Variants in SACS observed in about 807,000 individuals in gnomAD.
The protein encoded by SACS is sacsin molecular chaperone, also known as sacsin.
Under a neutral mutation model 348.0 loss-of-function variants are expected in SACS, and 197 were observed. The ratio of observed to expected loss-of-function variants is 0.57; its 90% CI spans 0.50 to 0.64. The LOEUF (loss-of-function observed/expected upper bound fraction) is 0.64, where lower values mean the gene tolerates loss of function less well. Ranked by LOEUF, SACS falls within the 30% of genes least tolerant of loss-of-function variation. The pLI is 0.00. For missense variants in SACS, 4,999 were observed against 5,360.8 expected, an observed-to-expected ratio of 0.93 and a Z score of 2.11; for synonymous variants, 1,985 against 1,910.6, an observed-to-expected ratio of 1.04 and a Z score of -1.02.
Position 23,338,776 on chromosome 13 carries a change from A to C in SACS, c.5100T>G (p.Ile1700Met). The change falls in exon 10 of 10, where the codon ATT (isoleucine) becomes ATG (methionine). Residue 1700 changes from isoleucine to methionine, a missense_variant. This residue lies in a region of SACS where 3,156 missense variants were observed against 3,380.1 expected (regional missense o/e 0.93). Coordinates refer to ENST00000382292, the MANE Select transcript of SACS (RefSeq NM_014363.6). ...VKSMYLKYLK[I>M]EETNPSLAQD... ...GTGCTAAACTGGGGTTGGTTTCCTC[A>C]ATTTTCAAGTACTTCAAATACATTG... 1 of 1,611,060 alleles carries C rather than the reference A, an allele frequency of 6.2e-7. No individual in the cohort carries two copies. The highest frequency in any genetic ancestry group is 8.5e-7 in the Non-Finnish European group (1 of 1,179,224).
In SACS at chr13:23,339,091, T is replaced by G. The variant is rs761655407; in HGVS notation, c.4785A>C (p.Lys1595Asn). 3 of 1,611,850 alleles carry G rather than the reference T, an allele frequency of 1.9e-6. No individual in the cohort carries two copies. In the African/African-American group the frequency reaches 4.0e-5, roughly 22 times the overall value. Residue 1595 changes from lysine (K) to asparagine (N), a missense_variant, in exon 10 of 10, where the codon AAA becomes AAC. Transcript: ENST00000382292. ...AATTAATTTTGATCCCAGGATTGGA[T>G]TTGTCTTTAATGTGTTTACTGATAT... is the stretch of plus-strand genomic sequence containing the variant. ...INHISKHIKDKSNPGIKINWS... is the reference protein window; with the variant it reads ...INHISKHIKDNSNPGIKINWS...
Position 23,329,645 on chromosome 13 carries a change from CATG to C in SACS, c.*488_*490del. On this transcript the variant is annotated 3_prime_UTR_variant, in exon 10 of 10. Coordinates refer to ENST00000382292, the MANE Select transcript of SACS (RefSeq NM_014363.6). The stretch of plus-strand genomic sequence containing the variant: ...GTACAACATAAAATTACAACAAATT[CATG>C]ATCAGAGCCAGCTGATGAGAAAATA... 1 of 535,666 alleles carries C rather than the reference CATG, an allele frequency of 1.9e-6. No homozygotes were observed. Among genetic ancestry groups the C allele is most frequent in the Non-Finnish European group, 3.2e-6 (1 of 308,322 alleles). 33.2% of individuals were successfully genotyped at this position (535,666 alleles called of 1,614,324 possible).
Position 23,334,095 on chromosome 13 carries a change from G to C in SACS, c.9781C>G (p.Gln3261Glu), listed in dbSNP as rs868799299. Residue 3261 changes from glutamine (Q) to glutamate (E), a missense_variant, in exon 10 of 10, where the codon CAG becomes GAG. Coordinates refer to ENST00000382292, the MANE Select transcript of SACS (RefSeq NM_014363.6). ...ISESVSVKEDQEETKPTFDIV... is the reference protein window; with the variant it reads ...ISESVSVKEDEEETKPTFDIV... ...TCAAATGTTGGTTTTGTTTCTTCCT[G>C]ATCTTCTTTCACACTTACAGATTCA... The C allele has an allele frequency of 6.2e-7, 1 of 1,613,650 alleles. No homozygotes were observed. Among genetic ancestry groups the C allele is most frequent in the East Asian group, 2.2e-5 (1 of 44,870 alleles).
intron 1 of SACS, among the ~76,000 whole-genome samples, chr13:23,418,541 C>T (rs980064337): frequency 2.0e-5 from 3 of 152,034 alleles, no homozygotes; most frequent in Admixed American, 2.0e-4. Flanking sequence ...GAGTCTTGCT[C>T]TGTCTCTCCA....
chr13:23,378,820 A>G (rs1871922776), intron 2 of SACS, among the ~76,000 whole-genome samples: 1 of 152,218 alleles, frequency 6.6e-6, no homozygotes, highest in African/African-American at 2.4e-5. Flanking sequence ...ATGCATGCTA[A>G]TAATTAGTGT....
In SACS at chr13:23,333,367, T is replaced by A; in HGVS notation, c.10509A>T (p.Arg3503Ser). ...CTGATAATTCCTCAGCACTTGATAA[T>A]CTATTCTTAAGGTAGATCAAGTGCT... Reference protein sequence around the residue: ...KLEHLIYLKNRLSSAEELSEI... With the variant: ...KLEHLIYLKNSLSSAEELSEI... Residue 3503 changes from arginine (R) to serine (S), a missense_variant, in exon 10 of 10, where the codon AGA (arginine) becomes AGT (serine). Physicochemically the swap from Arg to Ser is moderately radical, Grantham distance 110. Transcript: ENST00000382292. 1 of 1,597,704 alleles carries A rather than the reference T, an allele frequency of 6.3e-7. No individual in the cohort carries two copies. The highest frequency in any genetic ancestry group is 8.5e-7 in the Non-Finnish European group (1 of 1,174,532).
In SACS at chr13:23,336,332, A is replaced by G. The variant is rs1425351512; in HGVS notation, c.7544T>C (p.Phe2515Ser). 1 of 1,614,086 alleles carries G rather than the reference A, an allele frequency of 6.2e-7. No homozygotes were observed. The highest frequency in any genetic ancestry group is 8.5e-7 in the Non-Finnish European group (1 of 1,179,950). The change falls in exon 10 of 10, where the codon TTT (phenylalanine) becomes TCT (serine). Residue 2515 changes from phenylalanine (F) to serine (S), a missense_variant. Around this residue, in one of 6 missense-constraint regions of SACS, gnomAD observed 3,156 missense variants for 3,380.1 expected, o/e 0.93. Coordinates refer to ENST00000382292, the MANE Select transcript of SACS (RefSeq NM_014363.6). ...CCCAAATTCTGTGCCAAGTGTTGTA[A>G]AACAGACATTGGATGCATATCTTTC... ...ALERYASNVC[F>S]TTLGTEFGQK... is the part of the protein sequence containing the mutation.
rs972479339 is a variant in SACS at position 23,365,301 on chromosome 13, A to C, written c.346-24T>G. ...TCCTAACCAAAAAATATACCAAAAA[A>C]TAGTAATTAATAACACAGTAATCTA... is the stretch of plus-strand genomic sequence containing the variant. On this transcript the variant is annotated intron_variant, in intron 5 of 9. Coordinates refer to ENST00000382292, the MANE Select transcript of SACS (RefSeq NM_014363.6). 3.9e-6 allele frequency: 5 copies of C among 1,269,908 alleles called. No individual in the cohort carries two copies. The African/African-American group carries it at 7.4e-5, about 19-fold the overall frequency. The allele number at this position is 1,269,908 out of a possible 1,614,324, so 78.7% of individuals were successfully genotyped here.
At position 23,333,225 on chromosome 13, in the gene SACS, T is replaced by C. The variant is rs770752326; in HGVS notation, c.10651A>G (p.Met3551Val). 1.9e-5 allele frequency: 31 copies of C among 1,598,074 alleles called. No homozygotes were observed. The highest frequency in any genetic ancestry group is 2.4e-5 in the Non-Finnish European group (28 of 1,173,536). The change falls in exon 10 of 10, where the codon ATG (methionine) becomes GTG (valine). Residue 3551 changes from methionine to valine, a missense_variant. By Grantham distance (21) the Met-to-Val change is conservative (BLOSUM62 1). Around this residue, in one of 6 missense-constraint regions of SACS, gnomAD observed 831 missense variants for 941.8 expected, o/e 0.88. Transcript: ENST00000382292. ...GGAATAAACAATTTTTCAGGAAGCA[T>C]AACTTCAAAAACTCTCACAGTTCTA... ...YDRTVRVFEV[M>V]LPEKLFIPND...
At chr13:23,400,534 C>T (rs560531297) in intron 2 of SACS, among the ~76,000 whole-genome samples, 19 of 152,326 alleles carry the variant, frequency 1.2e-4, no homozygotes, top group African/African-American at 4.3e-4. Flanking sequence ...CATTCTCCTG[C>T]CTCAGCCTCC....
chr13:23,426,170 TC>T (rs1874165613), intron 1 of SACS, among the ~76,000 whole-genome samples: 1 of 152,174 alleles, frequency 6.6e-6, no homozygotes, highest in African/African-American at 2.4e-5. Flanking sequence ...GTATAGGACT[TC>T]AGTGAGCCCA....
chr13:23,396,993 T>C (rs996846765), intron 2 of SACS, among the ~76,000 whole-genome samples: 2 of 142,406 alleles, frequency 1.4e-5, no homozygotes, highest in Non-Finnish European at 3.1e-5. Flanking sequence ...AGGGGGCCTA[T>C]GTATTTAGGC....
rs371935764 is a variant in SACS at position 23,331,022 on chromosome 13, C to T, written c.12854G>A (p.Ser4285Asn). The T allele has an allele frequency of 5.9e-5, 95 of 1,613,952 alleles. No individual in the cohort carries two copies. Among genetic ancestry groups the T allele is most frequent in the Non-Finnish European group, 7.8e-5 (92 of 1,179,976 alleles). ...SIPPLFSGRESHKTSSKHQSP... is the reference protein window; with the variant it reads ...SIPPLFSGRENHKTSSKHQSP... ...CTGATGTTTGGAAGAAGTCTTGTGGCTCTCTCTACCAGAGAAAAGAGGAGG... is the reference window on the plus strand; with the variant it reads ...CTGATGTTTGGAAGAAGTCTTGTGGTTCTCTCTACCAGAGAAAAGAGGAGG... Residue 4285 changes from serine to asparagine, a missense_variant, in exon 10 of 10, where the codon AGC (serine) becomes AAC (asparagine). By Grantham distance (46) the Ser-to-Asn change is conservative. This residue lies in a region of SACS where 831 missense variants were observed against 941.8 expected (regional missense o/e 0.88). Coordinates refer to ENST00000382292, the MANE Select transcript of SACS (RefSeq NM_014363.6).
rs749986111 is a variant in SACS, at chr13:23,337,002, G to T, written c.6874C>A (p.Leu2292Met). 1.9e-6 allele frequency: 3 copies of T among 1,613,854 alleles called. No homozygotes were observed. Among genetic ancestry groups the T allele is most frequent in the Non-Finnish European group, 2.5e-6 (3 of 1,179,902 alleles). ...ACTTCTTTCAATTGGTTTATAACCA[G>T]ATCAACTGTTGGCTTCTTGAGTAAT... ...LGLLKKPTVD[L>M]VINQLKEVAK... The change falls in exon 10 of 10, where the codon CTG (leucine) becomes ATG (methionine). Residue 2292 changes from leucine to methionine, a missense_variant. Leu to Met is a conservative substitution (Grantham distance 15). Transcript: ENST00000382292.
chr13:23,400,980 G>C (rs1471486222), intron 2 of SACS, among the ~76,000 whole-genome samples: 2 of 52,758 alleles, frequency 3.8e-5, no homozygotes, highest in Admixed American at 2.7e-4. Context: ...TGAATAAAAA[G>C]CGTATCAAAT....
chr13:23,368,159 G>A (rs1871176717), intron 5 of SACS, among the ~76,000 whole-genome samples: 1 of 152,142 alleles, frequency 6.6e-6, no homozygotes, highest in African/African-American at 2.4e-5. Context: ...GAGCGACACT[G>A]CTGATTACAG....
Position 23,330,484 on chromosome 13 carries a change from G to T in SACS, c.13392C>A (p.Asp4464Glu). ...CCCACTCATTGGCATTTTTATGAAGGTCATTCCTGGCAGCTGAGAAGTTTG... is the reference window on the plus strand; with the variant it reads ...CCCACTCATTGGCATTTTTATGAAGTTCATTCCTGGCAGCTGAGAAGTTTG... Reference protein sequence around the residue: ...ARANFSAARNDLHKNANEWVC... With the variant: ...ARANFSAARNELHKNANEWVC... Residue 4464 changes from aspartate (D) to glutamate (E), a missense_variant, in exon 10 of 10, where the codon GAC becomes GAA. Transcript: ENST00000382292. 1 of 1,614,178 alleles carries T rather than the reference G, an allele frequency of 6.2e-7. No individual in the cohort carries two copies.
At chr13:23,387,554 G>C (rs1872346607) in intron 2 of SACS, among the ~76,000 whole-genome samples, 1 of 152,000 alleles carries the variant, frequency 6.6e-6, no homozygotes, top group African/African-American at 2.4e-5. Context: ...TACGAAGCTG[G>C]AAGACCCTGT....
intron 1 of SACS, among the ~76,000 whole-genome samples, chr13:23,425,833 G>A (rs1291131773): frequency 6.6e-6 from 1 of 152,214 alleles, no homozygotes; most frequent in Non-Finnish European, 1.5e-5. Flanking sequence ...CTAGAGCATG[G>A]CCGCCGGGGG....
Sources: allele counts gnomAD v4.1 joint callset (sites outside exome capture counted in the v4.1 genomes callset), GRCh38; gene constraint gnomAD v4.1.1; regional missense constraint gnomAD v4.1.1; transcripts MANE v1.5; gene names NCBI Gene and HGNC (gene_info 2026-07-23, HGNC 2026-07-21).